The following CELF2 variants were observed in gnomAD, a reference collection of about 807,000 sequenced individuals.
CELF2 encodes the protein CUG triplet repeat RNA-binding protein 2.
Under a neutral mutation model 62.6 loss-of-function variants are expected in CELF2, and 8 were observed. The ratio of observed to expected loss-of-function variants is 0.13; its 90% CI spans 0.07 to 0.23. The LOEUF (loss-of-function observed/expected upper bound fraction) is 0.23. Ranked by LOEUF, CELF2 falls within the 10% of genes least tolerant of loss-of-function variation. The pLI is 1.00. For synonymous variants in CELF2, 258 were observed against 250.0 expected (o/e 1.03, Z -0.30); for missense variants, 333 against 671.0 (o/e 0.50, Z 5.56).
rs2083055618 is a variant in CELF2 at position 11,269,287 on chromosome 10, C to G, written c.619-1379C>G. The stretch of plus-strand genomic sequence containing the variant: ...TGTACCATGACTCTGTCTACCAGAG[C>G]TGAAGACCAGTAGGCTGGAAGTTTA... On this transcript the variant is annotated intron_variant, in intron 6 of 12. Transcript: ENST00000633077. This position sits in a 1 kb window ranked among gnomAD's most constrained non-coding sequence, Gnocchi z 4.4. Among the ~76,000 whole-genome samples the G allele has an allele frequency of 6.6e-6, 1 of 152,210 alleles. No homozygotes were observed. The highest frequency in any genetic ancestry group is 1.5e-5 in the Non-Finnish European group (1 of 68,038).
At chr10:10,826,778 T>C (rs752079367) in intron 1 of CELF2, among the ~76,000 whole-genome samples, 4 of 152,196 alleles carry the variant, frequency 2.6e-5, no homozygotes, top group Non-Finnish European at 5.9e-5. Context: ...AGGGGCTCTG[T>C]TTTGTATTTT....
rs147394187 is a variant in CELF2, at chr10:11,124,994, A to C, written c.75-40492A>C. Among the ~76,000 whole-genome samples the C allele has an allele frequency of 2.1e-3, 320 of 152,268 alleles. 3 individuals are homozygous for C. The highest frequency in any genetic ancestry group is 7.5e-3 in the African/African-American group (311 of 41,554). On this transcript the variant is annotated intron_variant, in intron 1 of 12. Coordinates refer to ENST00000633077, the MANE Select transcript of CELF2 (RefSeq NM_001326342.2). ...AGATTACAAACAGGCATAAGGCAAA[A>C]TTTGTCCCCATATTGTGTGATATTG...
intron 3 of CELF2, among the ~76,000 whole-genome samples, chr10:11,231,084 GT>G (rs1447644020): frequency 6.6e-6 from 1 of 152,212 alleles, no homozygotes; most frequent in Non-Finnish European, 1.5e-5. Flanking sequence ...GTCTATGTAT[GT>G]TTTTGCAATT....
the CELF2 span, among the ~76,000 whole-genome samples, chr10:10,750,404 C>T: frequency 6.6e-6 from 1 of 152,104 alleles, no homozygotes; most frequent in South Asian, 2.1e-4. Context: ...TGCAAAAAAT[C>T]AGAGAAAGAT....
At chr10:10,859,275 G>A (rs993455369) in intron 1 of CELF2, among the ~76,000 whole-genome samples, 5 of 152,118 alleles carry the variant, frequency 3.3e-5, no homozygotes, top group African/African-American at 4.8e-5. Context: ...GGTTGATCAA[G>A]ATAGTTAATT....
the CELF2 span, among the ~76,000 whole-genome samples, chr10:10,726,785 A>T: frequency 6.6e-6 from 1 of 152,212 alleles, no homozygotes; most frequent in Non-Finnish European, 1.5e-5. Context: ...TGATTACCGC[A>T]TAGTATAGTA....
the CELF2 span, among the ~76,000 whole-genome samples, chr10:10,651,894 G>A: frequency 5.3e-5 from 8 of 150,556 alleles, no homozygotes; most frequent in East Asian, 1.6e-3. Flanking sequence ...CGAGCTGAGA[G>A]AAGAAGGCTT....
At chr10:10,579,761 T>A in the CELF2 span, among the ~76,000 whole-genome samples, 1 of 152,236 alleles carries the variant, frequency 6.6e-6, no homozygotes, top group African/African-American at 2.4e-5. Flanking sequence ...ATTAACTATC[T>A]GATATTATGG....
At chr10:10,521,575 T>C in the CELF2 span, among the ~76,000 whole-genome samples, 1 of 152,214 alleles carries the variant, frequency 6.6e-6, no homozygotes, top group Non-Finnish European at 1.5e-5. Context: ...TAGATCCTGT[T>C]ATTACCTGTG....
the CELF2 span, among the ~76,000 whole-genome samples, chr10:10,717,496 T>C: frequency 6.6e-6 from 1 of 152,176 alleles, no homozygotes; most frequent in Non-Finnish European, 1.5e-5. Context: ...TTCAGCCCAT[T>C]ATGTGAAAAA....
At chr10:11,000,259 C>T (rs2054387533) in intron 2 of CELF2, among the ~76,000 whole-genome samples, 1 of 151,930 alleles carries the variant, frequency 6.6e-6, no homozygotes, top group African/African-American at 2.4e-5. Flanking sequence ...ATGGGCCTTT[C>T]TTTACCTACA....
Position 11,197,025 on chromosome 10 carries a change from A to AAAGAAAAGAAAGAAAGAAAGAAAG in CELF2, c.272-20398_272-20397insGAAAAGAAAGAAAGAAAGAAAGAA, listed in dbSNP as rs1554936315. Among the ~76,000 whole-genome samples, 6 of 26,130 alleles carry AAAGAAAAGAAAGAAAGAAAGAAAG rather than the reference A, an allele frequency of 2.3e-4. 1 individual carries two copies. The highest frequency in any genetic ancestry group is 4.2e-4 in the East Asian group (1 of 2,366). 17.1% of individuals were successfully genotyped at this position (26,130 alleles called of 152,430 possible). Reference sequence around the variant, plus strand: ...AGGAGAAAGAAAGAAAGAAAGAAAGAAAAGAAAGAAAGAAAGAAAGAAAGA... The same window carrying AAAGAAAAGAAAGAAAGAAAGAAAG: ...AGGAGAAAGAAAGAAAGAAAGAAAGAAAGAAAAGAAAGAAAGAAAGAAAGAAAGAAAGAAAGAAAGAAAGAAAGA... On this transcript the variant is annotated intron_variant, in intron 2 of 12. Transcript: ENST00000633077.
chr10:11,031,141 A>T (rs2060048765), intron 1 of CELF2, among the ~76,000 whole-genome samples: 1 of 152,192 alleles, frequency 6.6e-6, no homozygotes. Context: ...CTTCTTGTGA[A>T]TTAGAAAATG....
the CELF2 span, among the ~76,000 whole-genome samples, chr10:10,592,863 A>G: frequency 2.6e-5 from 4 of 152,212 alleles, no homozygotes; most frequent in Non-Finnish European, 5.9e-5. Context: ...CCCATGAACA[A>G]GACATTTGGA....
chr10:11,111,492 A>G (rs776053092), intron 1 of CELF2, among the ~76,000 whole-genome samples: 24 of 152,200 alleles, frequency 1.6e-4, no homozygotes, highest in Non-Finnish European at 2.4e-4. Flanking sequence ...CTTCCTCCCA[A>G]CATAGCCCAC....
At chr10:11,043,829 G>A (rs554566542) in intron 1 of CELF2, among the ~76,000 whole-genome samples, 20 of 152,258 alleles carry the variant, frequency 1.3e-4, no homozygotes, top group African/African-American at 4.3e-4. Flanking sequence ...GATTGTGCTC[G>A]GATCCCCCAG....
chr10:10,652,694 G>A, the CELF2 span, among the ~76,000 whole-genome samples: 1 of 151,490 alleles, frequency 6.6e-6, no homozygotes, highest in Non-Finnish European at 1.5e-5. Context: ...TCACCACCAG[G>A]CCTGCCCTAA....
At chr10:10,830,722 G>A (rs1452565075) in intron 1 of CELF2, among the ~76,000 whole-genome samples, 2 of 151,992 alleles carry the variant, frequency 1.3e-5, no homozygotes, top group Non-Finnish European at 2.9e-5. Context: ...TACATAGAAA[G>A]CATTCGCGTA....
the CELF2 span, among the ~76,000 whole-genome samples, chr10:10,532,941 T>A: frequency 6.6e-6 from 1 of 151,766 alleles, no homozygotes; most frequent in Middle Eastern, 3.2e-3. Flanking sequence ...TTGCAAATAT[T>A]GGCGGGAGAG....
Sources: gnomAD v4.1 joint callset for allele counts (sites outside exome capture counted in the v4.1 genomes callset) on GRCh38, gnomAD v4.1.1 for gene constraint, Gnocchi (gnomAD v3.1) non-coding constraint, MANE v1.5 for transcripts, NCBI Gene and HGNC (gene_info 2026-07-23, HGNC 2026-07-21) for gene names.